The following LHPP variants were observed in gnomAD, a reference collection of about 807,000 sequenced individuals.
The protein encoded by LHPP is phospholysine phosphohistidine inorganic pyrophosphate phosphatase.
A neutral mutation model predicts 30.3 loss-of-function variants in LHPP; 24 were observed. The observed-to-expected ratio is 0.79, with a 90% CI of 0.57 to 1.11. The LOEUF (loss-of-function observed/expected upper bound fraction) is 1.11. Ranked by LOEUF, LHPP falls within the 50% of genes most tolerant of loss-of-function variation. The pLI, the probability that LHPP is intolerant of heterozygous loss-of-function variation, is 0.00. For missense variants in LHPP, 356 were observed against 367.2 expected, an observed-to-expected ratio of 0.97 and a Z score of 0.25; for synonymous variants, 150 against 157.1, an observed-to-expected ratio of 0.95 and a Z score of 0.34.
chr10:124,581,373 G>A (rs906766329), intron 6 of LHPP, among the ~76,000 whole-genome samples: 1 of 152,188 alleles, frequency 6.6e-6, no homozygotes, highest in African/African-American at 2.4e-5. Context: ...TCATGGGCAA[G>A]TTTTTGTGTG....
intron 6 of LHPP, among the ~76,000 whole-genome samples, chr10:124,549,980 G>C (rs990951945): frequency 6.7e-6 from 1 of 148,420 alleles, no homozygotes; most frequent in Non-Finnish European, 1.5e-5. Flanking sequence ...CGCTGGCCTC[G>C]CAGGGACTGG....
At chr10:124,572,799 G>A (rs1468694999) in intron 6 of LHPP, among the ~76,000 whole-genome samples, 1 of 152,166 alleles carries the variant, frequency 6.6e-6, no homozygotes, top group African/African-American at 2.4e-5. Context: ...TTGACCATGG[G>A]CGTCATTTCA....
At chr10:124,566,745 G>T (rs1285026402) in intron 6 of LHPP, among the ~76,000 whole-genome samples, 5 of 152,146 alleles carry the variant, frequency 3.3e-5, no homozygotes, top group Non-Finnish European at 5.9e-5. Flanking sequence ...GAGGTCGGGG[G>T]CACCTGAGAC....
rs1417195058 is a variant in LHPP, at chr10:124,510,216, C to T, written c.625-6964C>T. 6.6e-6 allele frequency among the ~76,000 whole-genome samples: 1 copy of T among 152,238 alleles called. No individual in the cohort carries two copies. Among genetic ancestry groups the T allele is most frequent in the Non-Finnish European group, 1.5e-5 (1 of 68,042 alleles). On this transcript the variant is annotated intron_variant, in intron 5 of 6. Transcript: ENST00000368842. This position sits in a 1 kb window ranked among gnomAD's most constrained non-coding sequence, Gnocchi z 4.0. The stretch of plus-strand genomic sequence containing the variant: ...CAGCGCACCTCCTGACCTCTATCTT[C>T]TTGCCAGTGATTTTTTAAATCCTAA...
rs896740643 is a variant in LHPP at position 124,534,437 on chromosome 10, G to A, written c.716+17166G>A. Among the ~76,000 whole-genome samples, 60 of 152,376 alleles carry A rather than the reference G, an allele frequency of 3.9e-4. 2 individuals carry two copies. The highest frequency in any genetic ancestry group is 2.0e-3 in the Admixed American group (30 of 15,304). ...GTCGGAGGCCGAGGACGGCTTAGAC[G>A]GGAGGTCCGGAGGCTCTCAGCCTGA... is the stretch of plus-strand genomic sequence containing the variant. On this transcript the variant is annotated intron_variant, in intron 6 of 6. Transcript: ENST00000368842.
chr10:124,484,052 T>C (rs1395101419), intron 1 of LHPP, 87 bp from the exon 2 acceptor site: 1 of 1,288,504 alleles, frequency 7.8e-7, no homozygotes, highest in Non-Finnish European at 1.1e-6. Context: ...CTTTGCTGGA[T>C]GCCCTTCGAG....
chr10:124,553,849 G>T (rs569877363), intron 6 of LHPP: 4 of 977,102 alleles, frequency 4.1e-6, no homozygotes, highest in Non-Finnish European at 4.9e-6. Flanking sequence ...CCCCTCCTCT[G>T]TCTGCAGAAG....
intron 6 of LHPP, among the ~76,000 whole-genome samples, chr10:124,581,426 G>A (rs951552909): frequency 6.6e-6 from 1 of 152,198 alleles, no homozygotes; most frequent in Non-Finnish European, 1.5e-5. Flanking sequence ...CTAAGGAGTG[G>A]AATTGCTGGG....
At chr10:124,504,412 A>G (rs893747691) in intron 5 of LHPP, among the ~76,000 whole-genome samples, 1 of 144,358 alleles carries the variant, frequency 6.9e-6, no homozygotes, top group African/African-American at 2.6e-5. Flanking sequence ...GGCAACACGG[A>G]AAAACCCCGT....
At chr10:124,566,626 C>T (rs781493820) in intron 6 of LHPP, among the ~76,000 whole-genome samples, 8 of 152,192 alleles carry the variant, frequency 5.3e-5, no homozygotes, top group Non-Finnish European at 1.2e-4. Flanking sequence ...TACCCCATCC[C>T]GGAGAGCCAG....
rs900731935 is a variant in LHPP at position 124,541,130 on chromosome 10, C to T, written c.716+23859C>T. 1.3e-5 allele frequency among the ~76,000 whole-genome samples: 2 copies of T among 152,176 alleles called. No homozygotes were observed. Among genetic ancestry groups the T allele is most frequent in the South Asian group, 2.1e-4 (1 of 4,832 alleles). On this transcript the variant is annotated intron_variant, in intron 6 of 6. Coordinates refer to ENST00000368842, the MANE Select transcript of LHPP (RefSeq NM_022126.4). The surrounding 1 kb of genome is among the most constrained non-coding windows in gnomAD (Gnocchi z 4.2). ...GCCGGAGGAGAGCCTGCCATACCCA[C>T]GCAGTGTGCCTGAGTCCTGGAGTGC...
At chr10:124,569,560 G>A (rs936141043) in intron 6 of LHPP, among the ~76,000 whole-genome samples, 2 of 152,202 alleles carry the variant, frequency 1.3e-5, no homozygotes, top group Non-Finnish European at 2.9e-5. Flanking sequence ...GGGCAGCCTG[G>A]AAACACCCTT....
chr10:124,521,337 G>T (rs1286636283), intron 6 of LHPP, among the ~76,000 whole-genome samples: 1 of 152,236 alleles, frequency 6.6e-6, no homozygotes, highest in Non-Finnish European at 1.5e-5. Flanking sequence ...GCCCTTCCAG[G>T]GCCACCCCCA....
intron 1 of LHPP, among the ~76,000 whole-genome samples, chr10:124,480,554 G>C (rs574385126): frequency 6.6e-6 from 1 of 152,182 alleles, no homozygotes; most frequent in East Asian, 1.9e-4. Context: ...GGGACCCCCT[G>C]CACTTCTTCA....
At chr10:124,531,783 T>C (rs980858463) in intron 6 of LHPP, among the ~76,000 whole-genome samples, 8 of 152,244 alleles carry the variant, frequency 5.3e-5, no homozygotes, top group South Asian at 2.1e-4. Flanking sequence ...GTTTTTCCCC[T>C]TTGTGATTGA....
chr10:124,601,377 A>G (rs1251352839), intron 6 of LHPP, among the ~76,000 whole-genome samples: 1 of 152,150 alleles, frequency 6.6e-6, no homozygotes, highest in African/African-American at 2.4e-5. Context: ...GAAAAGTTCT[A>G]TGTGCGCTTG....
At chr10:124,531,329 C>T (rs1188761465) in intron 6 of LHPP, among the ~76,000 whole-genome samples, 1 of 152,230 alleles carries the variant, frequency 6.6e-6, no homozygotes, top group Non-Finnish European at 1.5e-5. Context: ...ACAGTCTCAC[C>T]TCCAGAAGAA....
intron 6 of LHPP, among the ~76,000 whole-genome samples, chr10:124,568,491 T>G (rs1017399231): frequency 6.6e-6 from 1 of 152,230 alleles, no homozygotes; most frequent in African/African-American, 2.4e-5. Context: ...CGAGTCTGGC[T>G]GCTTTTGCTT....
chr10:124,547,883 G>C (rs1955392317), intron 6 of LHPP, among the ~76,000 whole-genome samples: 1 of 152,260 alleles, frequency 6.6e-6, no homozygotes, highest in Admixed American at 6.5e-5. Flanking sequence ...TTGTAACAGT[G>C]AGTGGAGGTG....
Sources: gnomAD v4.1 joint callset for allele counts (sites outside exome capture counted in the v4.1 genomes callset) on GRCh38, gnomAD v4.1.1 for gene constraint, Gnocchi (gnomAD v3.1) non-coding constraint, MANE v1.5 for transcripts, NCBI Gene and HGNC (gene_info 2026-07-23, HGNC 2026-07-21) for gene names.